The following RSPO2 variants were observed in gnomAD, a reference collection of about 807,000 sequenced individuals.
The protein encoded by RSPO2 is R-spondin 2.
RSPO2 carries 14 observed loss-of-function variants against 30.9 expected under a neutral mutation model. That is an observed-to-expected ratio of 0.45 (90% CI 0.30 to 0.71). The LOEUF (loss-of-function observed/expected upper bound fraction) is 0.71, where lower values mean the gene tolerates loss of function less well. RSPO2 is among the 30% of genes least tolerant of loss of function. The pLI, the probability that RSPO2 is intolerant of heterozygous loss-of-function variation, is 0.08. For missense variants in RSPO2, 264 were observed against 301.9 expected (o/e 0.87, Z 0.93); for synonymous variants, 107 against 96.4 (o/e 1.11, Z -0.64).
chr8:107,950,752 T>TA (rs10599629), intron 5 of RSPO2, among the ~76,000 whole-genome samples: 11,759 of 142,010 alleles, frequency 0.083, 591 homozygotes, highest in African/African-American at 0.14. Context: ...TAATTAATGG[T>TA]AAAAAAAAAA....
chr8:107,931,790 G>A (rs186965403), intron 5 of RSPO2, among the ~76,000 whole-genome samples: 1 of 152,238 alleles, frequency 6.6e-6, no homozygotes, highest in African/African-American at 2.4e-5. Context: ...ACATTCCTAA[G>A]ATATTGTACA....
At chr8:107,951,043 G>GTTTTTTTTTT (rs767290459) in intron 5 of RSPO2, among the ~76,000 whole-genome samples, 101 of 85,844 alleles carry the variant, frequency 1.2e-3, no homozygotes, top group East Asian at 5.1e-3. Flanking sequence ...GGGAGAATAA[G>GTTTTTTTTTT]TTTTTTTTTG....
At position 107,949,403 on chromosome 8, in the gene RSPO2, TGG is replaced by T. The variant is rs1477422650; in HGVS notation, c.616+8675_616+8676del. Among the ~76,000 whole-genome samples the T allele has an allele frequency of 8.2e-3, 1,246 of 152,300 alleles. 14 individuals carry two copies. The highest frequency in any genetic ancestry group is 0.029 in the African/African-American group (1,189 of 41,568). ...CACATTTTCTTTATCCACTCTTTGA[TGG>T]GTATCTAGGTTGGTTCCATATTTTT... On this transcript the variant is annotated intron_variant, in intron 5 of 5. Coordinates refer to ENST00000276659, the MANE Select transcript of RSPO2 (RefSeq NM_178565.5).
At chr8:107,922,931 C>T (rs1812227409) in intron 5 of RSPO2, among the ~76,000 whole-genome samples, 1 of 151,930 alleles carries the variant, frequency 6.6e-6, no homozygotes, top group Non-Finnish European at 1.5e-5. Flanking sequence ...AAAATCAACT[C>T]AAGATAAATT....
chr8:108,081,649 C>G (rs1434043131), intron 2 of RSPO2, among the ~76,000 whole-genome samples: 2 of 152,142 alleles, frequency 1.3e-5, no homozygotes, highest in Non-Finnish European at 2.9e-5. Context: ...CAGCGGACTC[C>G]GAGACAGAAA....
At chr8:108,026,870 A>G (rs1229792077) in intron 2 of RSPO2, among the ~76,000 whole-genome samples, 1 of 152,182 alleles carries the variant, frequency 6.6e-6, no homozygotes, top group Non-Finnish European at 1.5e-5. Flanking sequence ...CATCTCAAAA[A>G]AAAAATACTA....
intron 3 of RSPO2, among the ~76,000 whole-genome samples, chr8:107,987,129 T>C (rs1814670848): frequency 6.6e-6 from 1 of 152,164 alleles, no homozygotes; most frequent in African/African-American, 2.4e-5. Flanking sequence ...TAGAAGACCT[T>C]AGGATCAAGT....
At chr8:108,043,878 T>G (rs1811831573) in intron 2 of RSPO2, among the ~76,000 whole-genome samples, 1 of 152,114 alleles carries the variant, frequency 6.6e-6, no homozygotes. Flanking sequence ...GACCAGGAAT[T>G]ATTATCAAAC....
intron 2 of RSPO2, among the ~76,000 whole-genome samples, chr8:107,999,759 G>A (rs1815165620): frequency 6.6e-6 from 1 of 151,936 alleles, no homozygotes; most frequent in Admixed American, 6.6e-5. Flanking sequence ...TTAAATATTG[G>A]GGGAGAAAGT....
chr8:107,962,012 C>G (rs1813643250), intron 3 of RSPO2, among the ~76,000 whole-genome samples: 1 of 152,142 alleles, frequency 6.6e-6, no homozygotes, highest in South Asian at 2.1e-4. Context: ...CGGTAAATTC[C>G]AAGGTCAAGT....
At chr8:107,990,751 T>TA (rs1814816636) in intron 2 of RSPO2, among the ~76,000 whole-genome samples, 1 of 151,948 alleles carries the variant, frequency 6.6e-6, no homozygotes, top group Non-Finnish European at 1.5e-5. Flanking sequence ...GCCAAGGCAA[T>TA]AATAAGCAAA....
intron 2 of RSPO2, among the ~76,000 whole-genome samples, chr8:108,017,175 C>A (rs1285132185): frequency 6.6e-6 from 1 of 151,974 alleles, no homozygotes; most frequent in African/African-American, 2.4e-5. Context: ...CACCACCACA[C>A]CCAGCTAATT....
At chr8:108,032,888 T>C (rs7833648) in intron 2 of RSPO2, among the ~76,000 whole-genome samples, 4,423 of 151,454 alleles carry the variant, frequency 0.029, 212 homozygotes, top group African/African-American at 0.1. Flanking sequence ...TGAAACCCCA[T>C]CTCTACTAAA....
intron 2 of RSPO2, among the ~76,000 whole-genome samples, chr8:107,991,837 A>C (rs1286502381): frequency 1.3e-5 from 2 of 152,226 alleles, no homozygotes; most frequent in African/African-American, 2.4e-5. Flanking sequence ...ACAATGAGAT[A>C]CCATCTCCCA....
intron 5 of RSPO2, among the ~76,000 whole-genome samples, chr8:107,945,760 C>T (rs1813041224): frequency 6.6e-6 from 1 of 152,148 alleles, no homozygotes; most frequent in Non-Finnish European, 1.5e-5. Context: ...GTCTCATCTC[C>T]TCAGCCACCA....
At chr8:107,997,317 GC>G (rs1220518239) in intron 2 of RSPO2, 2 of 153,912 alleles carry the variant, frequency 1.3e-5, no homozygotes, top group African/African-American at 4.8e-5. Context: ...GAATGGCTCT[GC>G]CCATTGCTCT....
At chr8:108,051,915 A>AG in intron 2 of RSPO2, among the ~76,000 whole-genome samples, 1 of 152,300 alleles carries the variant, frequency 6.6e-6, no homozygotes, top group Non-Finnish European at 1.5e-5. Context: ...AGGGTGGTGG[A>AG]GGCAGGGGCA....
chr8:108,023,436 C>T (rs191792576), intron 2 of RSPO2, among the ~76,000 whole-genome samples: 173 of 152,254 alleles, frequency 1.1e-3, no homozygotes, highest in African/African-American at 3.8e-3. Flanking sequence ...AGTTCAAGTG[C>T]ATGAGGATCA....
intron 2 of RSPO2, among the ~76,000 whole-genome samples, chr8:107,998,990 G>A (rs1350283822): frequency 2.0e-5 from 3 of 152,180 alleles, no homozygotes; most frequent in Non-Finnish European, 4.4e-5. Flanking sequence ...GTTGCAGTGA[G>A]TTGGGATCGT....
Sources: gnomAD v4.1 joint callset for allele counts (sites outside exome capture counted in the v4.1 genomes callset) on GRCh38, gnomAD v4.1.1 for gene constraint, MANE v1.5 for transcripts, NCBI Gene and HGNC (gene_info 2026-07-23, HGNC 2026-07-21) for gene names.